The following NRBF2 variants were observed in gnomAD, a reference collection of about 807,000 sequenced individuals.
NRBF2 encodes nuclear receptor binding factor 2.
Under a neutral mutation model 28.5 loss-of-function variants are expected in NRBF2, and 12 were observed. The ratio of observed to expected loss-of-function variants is 0.42; its 90% confidence interval spans 0.27 to 0.68. The LOEUF (loss-of-function observed/expected upper bound fraction) is 0.68. Ranked by LOEUF, NRBF2 falls within the 30% of genes least tolerant of loss-of-function variation. NRBF2 has a pLI of 0.24. For synonymous variants in NRBF2, 102 were observed against 116.5 expected (o/e 0.88, Z 0.80); for missense variants, 274 against 333.5 (o/e 0.82, Z 1.39).
intron 1 of NRBF2, 108 bp downstream of exon 1, chr10:63,133,608 C>A: frequency 1.2e-6 from 1 of 845,770 alleles, no homozygotes; most frequent in Non-Finnish European, 2.0e-6. Context: ...GTTGGTTTGG[C>A]AGGAGTGGTC....
intron 1 of NRBF2, among the ~76,000 whole-genome samples, chr10:63,140,646 C>T (rs972885086): frequency 2.0e-5 from 3 of 151,574 alleles, no homozygotes; most frequent in Non-Finnish European, 4.4e-5. Context: ...GCAGCCCTCC[C>T]ACCTCGGCCT....
chr10:63,149,888 A>G (rs1237330176), intron 2 of NRBF2, among the ~76,000 whole-genome samples: 1 of 152,176 alleles, frequency 6.6e-6, no homozygotes, highest in Non-Finnish European at 1.5e-5. Context: ...TGTCTAAGAA[A>G]ATGTGTCTAC....
At chr10:63,139,719 A>G (rs1005962159) in intron 1 of NRBF2, among the ~76,000 whole-genome samples, 6 of 152,174 alleles carry the variant, frequency 3.9e-5, no homozygotes, top group African/African-American at 1.4e-4. Flanking sequence ...TCCTTTCTGC[A>G]GACCTATATT....
At chr10:63,151,584 G>C (rs1423320393) in intron 2 of NRBF2, among the ~76,000 whole-genome samples, 1 of 152,040 alleles carries the variant, frequency 6.6e-6, no homozygotes, top group African/African-American at 2.4e-5. Flanking sequence ...TAGTCACCGA[G>C]GATCTAAGAT....
chr10:63,144,088 ACAC>A (rs1841521189), intron 1 of NRBF2, among the ~76,000 whole-genome samples: 1 of 152,126 alleles, frequency 6.6e-6, no homozygotes, highest in Admixed American at 6.5e-5. Flanking sequence ...GATGTAAAAA[ACAC>A]GTGAAGTTTA....
chr10:63,146,020 G>A (rs187005260), intron 1 of NRBF2, among the ~76,000 whole-genome samples, 189 bp from the exon 2 acceptor site: 88 of 152,328 alleles, frequency 5.8e-4, no homozygotes, highest in Non-Finnish European at 9.4e-4. Flanking sequence ...GAAGTTGCCA[G>A]TTCCTTTCAG....
At chr10:63,135,574 C>G (rs1041490851) in intron 1 of NRBF2, among the ~76,000 whole-genome samples, 1 of 151,878 alleles carries the variant, frequency 6.6e-6, no homozygotes, top group African/African-American at 2.4e-5. Context: ...TCTTTTTAAG[C>G]AGGCTAGCGT....
intron 1 of NRBF2, among the ~76,000 whole-genome samples, chr10:63,142,420 C>T (rs76356543): frequency 0.014 from 2,155 of 151,854 alleles, 38 homozygotes; most frequent in African/African-American, 0.039. Flanking sequence ...TCTCCTGCCT[C>T]GTCTTCTCAA....
chr10:63,143,564 G>A (rs770611855), intron 1 of NRBF2, among the ~76,000 whole-genome samples: 3 of 151,594 alleles, frequency 2.0e-5, no homozygotes, highest in Non-Finnish European at 4.4e-5. Flanking sequence ...TTGAAGCGGC[G>A]ATTCTCTTGC....
intron 1 of NRBF2, among the ~76,000 whole-genome samples, chr10:63,143,271 G>C (rs1841503260): frequency 6.6e-6 from 1 of 152,198 alleles, no homozygotes; most frequent in Non-Finnish European, 1.5e-5. Flanking sequence ...GCAAGGCATT[G>C]CTGGAAGTGC....
chr10:63,138,560 C>T (rs536728741), intron 1 of NRBF2, among the ~76,000 whole-genome samples: 9 of 150,206 alleles, frequency 6.0e-5, no homozygotes, highest in Non-Finnish European at 1.2e-4. Context: ...CTAGCTAACA[C>T]GGTGAAACCC....
intron 1 of NRBF2, among the ~76,000 whole-genome samples, chr10:63,144,264 C>T (rs1389368811): frequency 1.3e-5 from 2 of 152,140 alleles, no homozygotes; most frequent in South Asian, 2.1e-4. Context: ...AGTTGTTCCA[C>T]CATTCAACTT....
intron 2 of NRBF2, among the ~76,000 whole-genome samples, chr10:63,151,819 A>C (rs896331155): frequency 6.6e-6 from 1 of 152,228 alleles, no homozygotes; most frequent in Non-Finnish European, 1.5e-5. Context: ...TTTTGTGAGT[A>C]TGATGAGTAA....
At position 63,153,909 on chromosome 10, in the gene NRBF2, T is replaced by C; in HGVS notation, c.555T>C (p.Leu185=). The C allele has an allele frequency of 6.2e-7, 1 of 1,612,004 alleles. No individual in the cohort carries two copies. ...ATTTGAAGAGGCATGTGGAATTCCT[T>C]GTGGCTGAGAATGAAAGATTAAGGA... The part of the protein sequence containing the change: ...IADLKRHVEF[L]VAENERLRKE... Residue 185 remains leucine, a synonymous_variant, in exon 4 of 4, where the codon CTT becomes CTC. Coordinates refer to ENST00000277746, the MANE Select transcript of NRBF2 (RefSeq NM_030759.5).
intron 2 of NRBF2, among the ~76,000 whole-genome samples, chr10:63,147,915 G>A (rs981501246): frequency 2.0e-5 from 3 of 152,124 alleles, no homozygotes; most frequent in Non-Finnish European, 2.9e-5. Flanking sequence ...GTCAACTAGT[G>A]CTCTTTAAAT....
Position 63,146,250 on chromosome 10 carries a change from A to T in NRBF2, c.72A>T (p.Ala24=), listed in dbSNP as rs1445950684. The change falls in exon 2 of 4, where the codon GCA becomes GCT. Residue 24 remains alanine, a synonymous_variant. Coordinates refer to ENST00000277746, the MANE Select transcript of NRBF2 (RefSeq NM_030759.5). ...GACGAGCAGACCGTTTATTAGCTGC[A>T]GGCAAATACGAAGAGGCTATTTCTT... The part of the protein sequence containing the change: ...QSRRADRLLA[A]GKYEEAISCH... 1 of 1,612,580 alleles carries T rather than the reference A, an allele frequency of 6.2e-7. No homozygotes were observed. The highest frequency in any genetic ancestry group is 1.7e-5 in the Admixed American group (1 of 59,888).
chr10:63,150,312 A>G, intron 2 of NRBF2: 1 of 907,312 alleles, frequency 1.1e-6, no homozygotes, highest in Non-Finnish European at 1.3e-6. Context: ...GTACAGACAT[A>G]CTACAGGAAA....
intron 1 of NRBF2, among the ~76,000 whole-genome samples, chr10:63,138,308 GT>G (rs1395334696): frequency 6.7e-6 from 1 of 150,172 alleles, no homozygotes; most frequent in African/African-American, 2.4e-5. Flanking sequence ...GTGAAACTCC[GT>G]ATCAAAAAAC....
Position 63,133,333 on chromosome 10 carries a change from T to C in NRBF2, c.-138T>C. The C allele has an allele frequency of 9.8e-7, 1 of 1,024,536 alleles. No homozygotes were observed. Among genetic ancestry groups the C allele is most frequent in the Non-Finnish European group, 1.5e-6 (1 of 684,434 alleles). The allele number at this position is 1,024,536 out of a possible 1,614,324, so 63.5% of individuals were successfully genotyped here. A position where few individuals can be genotyped will look rare whatever the true frequency, so the allele number is the denominator to read the frequency against. ...GAGGAAGTGGTGAGGTTGTTGCTCCTTCAGCGCCTATCGCTGGCTCTTGGG... is the reference window on the plus strand; with the variant it reads ...GAGGAAGTGGTGAGGTTGTTGCTCCCTCAGCGCCTATCGCTGGCTCTTGGG... On this transcript the variant is annotated 5_prime_UTR_variant, in exon 1 of 4. Coordinates refer to ENST00000277746, the MANE Select transcript of NRBF2 (RefSeq NM_030759.5).
Sources: gnomAD v4.1 joint callset for allele counts (sites outside exome capture counted in the v4.1 genomes callset) on GRCh38, gnomAD v4.1.1 for gene constraint, MANE v1.5 for transcripts, NCBI Gene and HGNC (gene_info 2026-07-23, HGNC 2026-07-21) for gene names.